Variants in TRMT11 observed in about 807,000 individuals in gnomAD.
TRMT11 encodes the protein tRNA (guanine(10)-N(2))-methyltransferase TRMT11.
In TRMT11, 53 loss-of-function variants were observed where a neutral mutation model predicts 62.8. That is an observed-to-expected ratio of 0.84 (90% CI 0.68 to 1.06). The LOEUF (loss-of-function observed/expected upper bound fraction) is 1.06, where lower values mean the gene tolerates loss of function less well. Among genes scored for constraint, TRMT11 ranks in the 50% least tolerant of loss-of-function variants. The pLI, the probability that TRMT11 is intolerant of heterozygous loss-of-function variation, is 0.00. For missense variants in TRMT11, 556 were observed against 553.4 expected (o/e 1.00, Z -0.05); for synonymous variants, 188 against 190.3 (o/e 0.99, Z 0.10).
At chr6:126,162,302 C>T (rs1414440772) in intron 21 of TRMT11, among the ~76,000 whole-genome samples, 2 of 152,162 alleles carry the variant, frequency 1.3e-5, no homozygotes, top group Non-Finnish European at 2.9e-5. Context: ...TTCCCAACAC[C>T]ATTTATTAAA....
At chr6:126,162,991 A>G (rs974490017) in intron 21 of TRMT11, among the ~76,000 whole-genome samples, 3 of 152,178 alleles carry the variant, frequency 2.0e-5, no homozygotes, top group Admixed American at 6.5e-5. Context: ...ATATACAATC[A>G]TGTTATCTGC....
chr6:126,120,129 G>A (rs1263633243), intron 21 of TRMT11, among the ~76,000 whole-genome samples: 2 of 152,106 alleles, frequency 1.3e-5, no homozygotes, highest in South Asian at 2.1e-4. Flanking sequence ...AAAAAAATTA[G>A]CCAGGTGTGG....
intron 18 of TRMT11, among the ~76,000 whole-genome samples, chr6:126,113,198 T>C (rs1777551429): frequency 6.6e-6 from 1 of 152,064 alleles, no homozygotes; most frequent in South Asian, 2.1e-4. Flanking sequence ...GACCTGAAGC[T>C]GTAGTATTTT....
intron 17 of TRMT11, among the ~76,000 whole-genome samples, chr6:126,085,711 A>G (rs1777210191): frequency 6.6e-6 from 1 of 152,166 alleles, no homozygotes; most frequent in African/African-American, 2.4e-5. Context: ...GGTTAAAACA[A>G]ATGGATGATT....
In TRMT11 at chr6:126,086,212, G is replaced by T. The variant is rs368790790; in HGVS notation, c.*1438-26654G>T. On this transcript the variant is annotated intron_variant and NMD_transcript_variant, in intron 17 of 22. Coordinates refer to the TRMT11 transcript ENST00000648977. ...AAAAGTGTGAATGAAAATTTGCCCGGTTTAATACATCAGATCATGAATGAA... is the reference window on the plus strand; with the variant it reads ...AAAAGTGTGAATGAAAATTTGCCCGTTTTAATACATCAGATCATGAATGAA... Among the ~76,000 whole-genome samples, 411 of 152,178 alleles carry T rather than the reference G, an allele frequency of 2.7e-3. 4 individuals carry two copies. Among genetic ancestry groups the T allele is most frequent in the African/African-American group, 9.5e-3 (395 of 41,528 alleles).
intron 17 of TRMT11, among the ~76,000 whole-genome samples, chr6:126,074,245 G>T (rs1776945430): frequency 6.6e-6 from 1 of 152,110 alleles, no homozygotes; most frequent in South Asian, 2.1e-4. Flanking sequence ...TTCCCTCAGG[G>T]ATGCCTTCTC....
At chr6:126,189,353 A>G (rs1395765642) in intron 1 of TRMT11, among the ~76,000 whole-genome samples, 1 of 152,146 alleles carries the variant, frequency 6.6e-6, no homozygotes, top group Non-Finnish European at 1.5e-5. Context: ...CATATTATTA[A>G]CTAAAATCCT....
intron 21 of TRMT11, among the ~76,000 whole-genome samples, chr6:126,143,186 A>G (rs902546980): frequency 6.6e-6 from 1 of 152,120 alleles, no homozygotes; most frequent in Non-Finnish European, 1.5e-5. Context: ...GACTCCAAAA[A>G]ATAATTTTTT....
chr6:126,270,111 T>G, the TRMT11 span, among the ~76,000 whole-genome samples: 1 of 152,220 alleles, frequency 6.6e-6, no homozygotes, highest in Non-Finnish European at 1.5e-5. Flanking sequence ...GTATCTCAGA[T>G]ACATGGCATA....
At chr6:126,211,469 T>C in the TRMT11 span, among the ~76,000 whole-genome samples, 5,313 of 152,230 alleles carry the variant, frequency 0.035, 268 homozygotes, top group African/African-American at 0.12. Flanking sequence ...TTACATGGAC[T>C]CTGTCAATAG....
chr6:125,993,944 C>G, intron 2 of TRMT11, 122 bp downstream of exon 2: 1 of 540,308 alleles, frequency 1.9e-6, no homozygotes, highest in Non-Finnish European at 3.1e-6. Flanking sequence ...TTTCAAGAGG[C>G]AGTGGAATAA....
At chr6:126,118,894 A>T (rs917747687) in intron 21 of TRMT11, among the ~76,000 whole-genome samples, 1 of 152,110 alleles carries the variant, frequency 6.6e-6, no homozygotes, top group African/African-American at 2.4e-5. Flanking sequence ...GCTAAATTGC[A>T]TATATCACTA....
At position 126,150,632 on chromosome 6, in the gene TRMT11, G is replaced by C. The variant is rs147334857; in HGVS notation, c.*1824-24193G>C. ...TGAAGCTCAGGAGACAGGCCTGAAGGCATGGATTGTCTGTGCTTACTGCTC... is the reference window on the plus strand; with the variant it reads ...TGAAGCTCAGGAGACAGGCCTGAAGCCATGGATTGTCTGTGCTTACTGCTC... On this transcript the variant is annotated intron_variant and NMD_transcript_variant, in intron 21 of 22. Transcript: ENST00000648977. 1.6e-3 allele frequency among the ~76,000 whole-genome samples: 237 copies of C among 152,280 alleles called. 2 individuals are homozygous for C. The highest frequency in any genetic ancestry group is 5.4e-3 in the African/African-American group (223 of 41,578).
the TRMT11 span, among the ~76,000 whole-genome samples, chr6:126,268,255 C>A: frequency 1.3e-5 from 2 of 152,110 alleles, no homozygotes; most frequent in African/African-American, 4.8e-5. Flanking sequence ...CAGGGGGTTT[C>A]CAGCATGTGG....
chr6:126,239,520 A>G, the TRMT11 span, among the ~76,000 whole-genome samples: 1 of 152,164 alleles, frequency 6.6e-6, no homozygotes, highest in Non-Finnish European at 1.5e-5. Flanking sequence ...TTCTTTAAGA[A>G]TGTTGAATAT....
At chr6:126,192,045 A>G (rs1214813100) in intron 1 of TRMT11, among the ~76,000 whole-genome samples, 2 of 152,122 alleles carry the variant, frequency 1.3e-5, no homozygotes, top group Non-Finnish European at 2.9e-5. Flanking sequence ...AGAAGTATAG[A>G]CATTTTAACA....
intron 3 of TRMT11, 76 bp downstream of exon 3, chr6:125,996,116 T>C: frequency 1.9e-6 from 2 of 1,037,550 alleles, no homozygotes; most frequent in Non-Finnish European, 3.0e-6. Flanking sequence ...TTTTGCTATA[T>C]TGGGCAGTGT....
intron 21 of TRMT11, among the ~76,000 whole-genome samples, chr6:126,171,094 T>C (rs540096063): frequency 6.6e-6 from 1 of 152,274 alleles, no homozygotes; most frequent in African/African-American, 2.4e-5. Context: ...AGGTAAGTAA[T>C]TACTATGGAA....
chr6:126,059,347 C>G (rs1202795564), intron 17 of TRMT11, among the ~76,000 whole-genome samples: 2 of 152,140 alleles, frequency 1.3e-5, no homozygotes, highest in Non-Finnish European at 2.9e-5. Flanking sequence ...ATGCCAAGAC[C>G]AAATCACACT....
Sources: allele counts gnomAD v4.1 joint callset (sites outside exome capture counted in the v4.1 genomes callset), GRCh38; gene constraint gnomAD v4.1.1; transcripts MANE v1.5; gene names NCBI Gene and HGNC (gene_info 2026-07-23, HGNC 2026-07-21).